Variants in AHCTF1 observed in about 807,000 individuals in gnomAD.
AHCTF1 encodes the protein AT-hook containing transcription factor 1, also known as protein ELYS.
Under a neutral mutation model 248.4 loss-of-function variants are expected in AHCTF1, and 24 were observed. The observed-to-expected ratio is 0.10, with a 90% CI of 0.07 to 0.14. AHCTF1 has a LOEUF of 0.14. AHCTF1 is among the 10% of genes least tolerant of loss of function. The pLI is 1.00. For missense variants in AHCTF1, 2,206 were observed against 2,636.2 expected (o/e 0.84, Z 3.57); for synonymous variants, 786 against 929.8 (o/e 0.85, Z 2.81).
At chr1:246,922,948 A>G (rs1334953847) in intron 1 of AHCTF1, among the ~76,000 whole-genome samples, 12 of 138,240 alleles carry the variant, frequency 8.7e-5, no homozygotes, top group Admixed American at 1.6e-4. Flanking sequence ...GCACCACTGC[A>G]CTCTAGCCTG....
intron 4 of AHCTF1, among the ~76,000 whole-genome samples, chr1:246,908,286 C>T (rs1572450759): frequency 9.7e-6 from 1 of 103,368 alleles, no homozygotes; most frequent in Admixed American, 1.2e-4. Context: ...TAATGAAACA[C>T]ATTAAATATG....
chr1:246,880,400 C>T (rs1156846105), intron 21 of AHCTF1, among the ~76,000 whole-genome samples: 2 of 151,740 alleles, frequency 1.3e-5, no homozygotes, highest in African/African-American at 2.4e-5. Context: ...CCCGTCTCTA[C>T]TAAAATTACA....
intron 26 of AHCTF1, among the ~76,000 whole-genome samples, chr1:246,866,060 C>T (rs1024486776): frequency 3.3e-5 from 5 of 152,238 alleles, no homozygotes; most frequent in South Asian, 2.1e-4. Context: ...GATGTACCCA[C>T]GGATGTTATC....
intron 26 of AHCTF1, among the ~76,000 whole-genome samples, chr1:246,864,961 A>G (rs1386026354): frequency 6.6e-6 from 1 of 152,104 alleles, no homozygotes; most frequent in Non-Finnish European, 1.5e-5. Context: ...GTTTGGTGAC[A>G]AAGTACAACT....
intron 7 of AHCTF1, 54 bp downstream of exon 7, chr1:246,903,894 TA>T (rs1665196765): frequency 7.6e-7 from 1 of 1,308,462 alleles, no homozygotes; most frequent in Admixed American, 2.0e-5. Context: ...ACAACATATT[TA>T]AAATAGAAAA....
At chr1:246,868,846 G>GTTT (rs563383895) in intron 24 of AHCTF1, among the ~76,000 whole-genome samples, 1 of 128,830 alleles carries the variant, frequency 7.8e-6, no homozygotes, top group East Asian at 2.2e-4. Context: ...TGTGTTTTTT[G>GTTT]TTTTTTTTTT....
chr1:246,842,166 T>C (rs1659918310), intron 35 of AHCTF1, among the ~76,000 whole-genome samples: 1 of 152,098 alleles, frequency 6.6e-6, no homozygotes, highest in South Asian at 2.1e-4. Flanking sequence ...AGCAGTGAAA[T>C]CTAACAATGC....
chr1:246,867,905 A>T (rs201354601), intron 24 of AHCTF1, 94 bp from the exon 25 acceptor site: 2 of 235,434 alleles, frequency 8.5e-6, no homozygotes, highest in Non-Finnish European at 1.3e-5. Flanking sequence ...CCCCCCCCAC[A>T]CACACACACA....
chr1:246,930,901 T>TC (rs1347375326), intron 1 of AHCTF1, among the ~76,000 whole-genome samples: 14 of 152,164 alleles, frequency 9.2e-5, no homozygotes, highest in Admixed American at 7.9e-4. Flanking sequence ...AGTATGAACC[T>TC]CGTAAGCTTT....
chr1:246,881,156 T>C (rs1185755690), intron 21 of AHCTF1, among the ~76,000 whole-genome samples: 20 of 152,112 alleles, frequency 1.3e-4, no homozygotes, highest in Admixed American at 1.3e-3. Flanking sequence ...GAAATATACA[T>C]ACAGAATATA....
chr1:246,886,728 T>C (rs964714400), intron 20 of AHCTF1, among the ~76,000 whole-genome samples: 1 of 152,182 alleles, frequency 6.6e-6, no homozygotes, highest in Non-Finnish European at 1.5e-5. Context: ...ATAAGAGACA[T>C]GAGCCTCTGT....
chr1:246,873,345 A>AAT (rs1422889474), intron 24 of AHCTF1, among the ~76,000 whole-genome samples: 11 of 152,234 alleles, frequency 7.2e-5, no homozygotes, highest in Admixed American at 2.6e-4. Context: ...TGGTCTCTGG[A>AAT]AAGACAATTC....
At chr1:246,852,939 T>C (rs2103047490) in intron 32 of AHCTF1, 152 bp downstream of exon 32, 1 of 613,736 alleles carries the variant, frequency 1.6e-6, no homozygotes, top group East Asian at 2.9e-5. Flanking sequence ...ACAAAAGATT[T>C]ATACACTTAT....
chr1:246,881,860 A>AAG (rs1663449950), intron 21 of AHCTF1, among the ~76,000 whole-genome samples: 1 of 150,824 alleles, frequency 6.6e-6, no homozygotes, highest in East Asian at 1.9e-4. Flanking sequence ...CAAAAAAAAA[A>AAG]ACAAAAAAAA....
chr1:246,926,912 C>T lies in AHCTF1; in HGVS notation c.-8+4666G>A, dbSNP rs536626832. Among the ~76,000 whole-genome samples the T allele has an allele frequency of 2.6e-4, 40 of 152,130 alleles. No individual in the cohort carries two copies. The East Asian group carries it at 3.7e-3, about 14-fold the overall frequency. ...TGTATGGCCGGGCCGCGGTGGCACACGCCTGTAATCCCAGCACTTTGGGAG... is the reference window on the plus strand; with the variant it reads ...TGTATGGCCGGGCCGCGGTGGCACATGCCTGTAATCCCAGCACTTTGGGAG... On this transcript the variant is annotated intron_variant, in intron 1 of 35. Coordinates refer to ENST00000648844, the MANE Select transcript of AHCTF1 (RefSeq NM_001323342.2).
chr1:246,842,588 A>C, intron 35 of AHCTF1, 106 bp downstream of exon 35: 2 of 885,244 alleles, frequency 2.3e-6, no homozygotes, highest in Non-Finnish European at 3.1e-6. Context: ...TCTCAAAAAA[A>C]ATAAATAAAA....
rs1660055864 is a variant in AHCTF1 at position 246,843,871 on chromosome 1, T to A, written c.6449A>T (p.Gln2150Leu). The A allele has an allele frequency of 6.6e-7, 1 of 1,508,880 alleles. No homozygotes were observed. Among genetic ancestry groups the A allele is most frequent in the Non-Finnish European group, 8.8e-7 (1 of 1,130,014 alleles). 93.5% of individuals were successfully genotyped at this position (1,508,880 alleles called of 1,614,324 possible). A position where few individuals can be genotyped will look rare whatever the true frequency, so the allele number is the denominator to read the frequency against. ...LKELVSDLSSQFVISPPALRS... is the reference protein window; with the variant it reads ...LKELVSDLSSLFVISPPALRS... ...TAAAGCAGGAGGTGAGATGACAAAC[T>A]GAGAAGATAAATCCGAAACTAATTC... Residue 2150 changes from glutamine to leucine, a missense_variant, in exon 34 of 36, where the codon CAG becomes CTG. Around this residue, in one of 6 missense-constraint regions of AHCTF1, gnomAD observed 469 missense variants for 470.0 expected, o/e 1.00. Coordinates refer to ENST00000648844, the MANE Select transcript of AHCTF1 (RefSeq NM_001323342.2).
At chr1:246,899,033 G>T (rs377563134) in intron 11 of AHCTF1, among the ~76,000 whole-genome samples, 1 of 152,194 alleles carries the variant, frequency 6.6e-6, no homozygotes, top group Non-Finnish European at 1.5e-5. Flanking sequence ...AGGTTGCAAT[G>T]AGCCGAGATG....
Position 246,864,131 on chromosome 1 carries a change from C to A in AHCTF1, c.3348-15G>T, listed in dbSNP as rs1042871278. ...AATCTAGCAGTCTGTAATCAGAATG[C>A]GCATTTATTGAGTTATACTGAAAAA... On this transcript the variant is annotated splice_polypyrimidine_tract_variant and intron_variant, in intron 26 of 35. Transcript: ENST00000648844. 2 of 1,609,626 alleles carry A rather than the reference C, an allele frequency of 1.2e-6. No homozygotes were observed. The highest frequency in any genetic ancestry group is 1.7e-6 in the Non-Finnish European group (2 of 1,178,028).
Sources: gnomAD v4.1 joint callset for allele counts (sites outside exome capture counted in the v4.1 genomes callset) on GRCh38, gnomAD v4.1.1 for gene constraint, gnomAD v4.1.1 regional missense constraint, MANE v1.5 for transcripts, NCBI Gene and HGNC (gene_info 2026-07-23, HGNC 2026-07-21) for gene names.